Variants in C4orf50 observed in about 807,000 individuals in gnomAD.
C4orf50 encodes chromosome 4 open reading frame 50.
A neutral mutation model predicts 77.2 loss-of-function variants in C4orf50; 80 were observed. That is an observed-to-expected ratio of 1.04 (90% CI 0.87 to 1.25). C4orf50 has a LOEUF of 1.25. C4orf50 is among the 50% of genes most tolerant of loss of function. The pLI is 0.00. For missense variants in C4orf50, 1,257 were observed against 1,152.9 expected (o/e 1.09, Z -1.31); for synonymous variants, 532 against 465.3 (o/e 1.14, Z -1.84).
intron 7 of C4orf50, among the ~76,000 whole-genome samples, chr4:5,943,802 A>T (rs1718368994): frequency 6.6e-6 from 1 of 152,214 alleles, no homozygotes; most frequent in Non-Finnish European, 1.5e-5. Context: ...TCAATTAGCA[A>T]GCACTGCCCT....
rs1716299199 is a variant in C4orf50, at chr4:5,900,518, T to C, written c.*2475-2330A>G. On this transcript the variant is annotated intron_variant, in intron 7 of 7. Transcript: ENST00000324058. This position sits in a 1 kb window ranked among gnomAD's most constrained non-coding sequence, Gnocchi z 4.3. Reference sequence around the variant, plus strand: ...ATGCAGGCATGAATTCCACACAAAATGAAAGAATTCCTTAAACTAACATCT... The same window carrying C: ...ATGCAGGCATGAATTCCACACAAAACGAAAGAATTCCTTAAACTAACATCT... The C allele has an allele frequency of 6.6e-6, 1 of 152,188 alleles. No homozygotes were observed. Among genetic ancestry groups the C allele is most frequent in the Non-Finnish European group, 1.5e-5 (1 of 68,034 alleles). 9.4% of individuals were successfully genotyped at this position (152,188 alleles called of 1,614,324 possible).
rs762737203 is a variant in C4orf50 at position 5,932,539 on chromosome 4, G to A, written c.*2474+24362C>T. 6.6e-6 allele frequency among the ~76,000 whole-genome samples: 1 copy of A among 152,190 alleles called. No individual in the cohort carries two copies. Among genetic ancestry groups the A allele is most frequent in the Non-Finnish European group, 1.5e-5 (1 of 68,034 alleles). ...CAGCCTCGACCTCCCAGGCTCAATTGATCCTCCCGCCTCAGCCTCCTGAGT... is the reference window on the plus strand; with the variant it reads ...CAGCCTCGACCTCCCAGGCTCAATTAATCCTCCCGCCTCAGCCTCCTGAGT... On this transcript the variant is annotated intron_variant, in intron 7 of 7. Coordinates refer to the C4orf50 transcript ENST00000324058. The surrounding 1 kb of genome is among the most constrained non-coding windows in gnomAD (Gnocchi z 4.2).
At chr4:6,012,981 A>T (rs2108813599) in intron 23 of C4orf50, among the ~76,000 whole-genome samples, 1 of 152,330 alleles carries the variant, frequency 6.6e-6, no homozygotes, top group African/African-American at 2.4e-5. Flanking sequence ...TCCAGGACAG[A>T]TACTGATGCC....
At chr4:5,935,509 TG>T (rs1282945427) in intron 7 of C4orf50, among the ~76,000 whole-genome samples, 2 of 152,260 alleles carry the variant, frequency 1.3e-5, no homozygotes, top group Admixed American at 1.3e-4. Context: ...TCCCCAGGGC[TG>T]GGTGTGGTGG....
intron 25 of C4orf50, among the ~76,000 whole-genome samples, chr4:6,004,228 G>T (rs1722080338): frequency 2.3e-5 from 1 of 42,650 alleles, no homozygotes; most frequent in African/African-American, 9.0e-5. Context: ...GTGATGATGT[G>T]ATGGTGATGA....
At chr4:5,973,893 T>C in intron 30 of C4orf50, 52 bp from the exon 9 acceptor site, 1 of 1,439,684 alleles carries the variant, frequency 6.9e-7, no homozygotes, top group Non-Finnish European at 9.4e-7. Context: ...GCTGCATGGC[T>C]GAGCTGGAGG....
exon 28 of C4orf50, chr4:5,990,609 T>C (rs1577974276): frequency 7.5e-6 from 3 of 398,980 alleles, no homozygotes; most frequent in South Asian, 1.3e-4. Flanking sequence ...GGAGCAGCAG[T>C]GGTCGCCAAG....
intron 25 of C4orf50, among the ~76,000 whole-genome samples, chr4:6,003,600 G>GTGATGGTGA (rs72317209): frequency 1.4e-5 from 2 of 142,982 alleles, no homozygotes; most frequent in Non-Finnish European, 3.0e-5. Context: ...GTTGATGGTG[G>GTGATGGTGA]TGATGGTGAT....
chr4:5,988,146 C>T (rs1167071410), intron 28 of C4orf50, among the ~76,000 whole-genome samples: 2 of 152,202 alleles, frequency 1.3e-5, no homozygotes, highest in African/African-American at 4.8e-5. Flanking sequence ...AGGTGTGAGT[C>T]CCTGCTCCAT....
chr4:5,998,723 G>T (rs561047142), intron 25 of C4orf50, among the ~76,000 whole-genome samples: 15 of 152,350 alleles, frequency 9.8e-5, no homozygotes, highest in Non-Finnish European at 8.8e-5. Context: ...TCACTGTAGT[G>T]TCATGGTTTG....
At chr4:5,978,320 T>C (rs992852049) in intron 29 of C4orf50, among the ~76,000 whole-genome samples, 1 of 151,978 alleles carries the variant, frequency 6.6e-6, no homozygotes, top group Admixed American at 6.5e-5. Flanking sequence ...AACTGAGAAC[T>C]ATAAAAAAAA....
intron 33 of C4orf50, among the ~76,000 whole-genome samples, chr4:5,964,275 GC>G (rs1386764609): frequency 1.3e-5 from 2 of 152,142 alleles, no homozygotes; most frequent in Non-Finnish European, 2.9e-5. Flanking sequence ...TACTCAACAG[GC>G]TTTTATGCCC....
intron 25 of C4orf50, among the ~76,000 whole-genome samples, chr4:6,003,860 G>GTGATGATGATGGTGA (rs1349200873): frequency 1.7e-5 from 1 of 57,506 alleles, no homozygotes; most frequent in Non-Finnish European, 3.6e-5. Context: ...GGTGATGATG[G>GTGATGATGATGGTGA]TGATGGTGAT....
chr4:5,936,240 A>G (rs1718007342), intron 7 of C4orf50, among the ~76,000 whole-genome samples: 1 of 151,770 alleles, frequency 6.6e-6, no homozygotes. Context: ...GGATTTATCT[A>G]ATGAAATTAC....
intron 28 of C4orf50, among the ~76,000 whole-genome samples, chr4:5,982,886 G>A (rs1470740881): frequency 6.6e-6 from 1 of 152,102 alleles, no homozygotes; most frequent in Admixed American, 6.5e-5. Flanking sequence ...TGAAGAATGA[G>A]GGCAGAGGTG....
rs533876611 is a variant in C4orf50 at position 5,981,650 on chromosome 4, C to T, written c.3700-1312G>A. ...AACTCCAGACCTCAGGTGATCCACC[C>T]GCCTCAGCCTCCCAAAGTGCTGAGG... On this transcript the variant is annotated intron_variant, in intron 28 of 33. Transcript: ENST00000531445. 1.4e-4 allele frequency among the ~76,000 whole-genome samples: 22 copies of T among 152,158 alleles called. No homozygotes were observed. The South Asian group carries it at 1.5e-3, about 10-fold the overall frequency.
In C4orf50 at chr4:5,967,394, T is replaced by C. The variant is rs1719638996; in HGVS notation, c.4153+20A>G. ...TTTTTCTGAGCACACAGGCTTTTCC[T>C]GATCAAAAATCACACTGACCTCTTA... On this transcript the variant is annotated intron_variant, in intron 32 of 33. Transcript: ENST00000531445. The C allele has an allele frequency of 6.2e-7, 1 of 1,608,974 alleles. No individual in the cohort carries two copies. Among genetic ancestry groups the C allele is most frequent in the Non-Finnish European group, 8.5e-7 (1 of 1,175,370 alleles).
chr4:5,994,536 A>G (rs747888254), intron 25 of C4orf50, 60 bp from the exon 4 acceptor site: 48 of 398,902 alleles, frequency 1.2e-4, no homozygotes, highest in Non-Finnish European at 1.8e-4. Context: ...GTGTACTCCA[A>G]GCCCATCCCC....
intron 31 of C4orf50, 28 bp downstream of exon 9, chr4:5,973,631 A>G: frequency 6.3e-7 from 1 of 1,584,340 alleles, no homozygotes; most frequent in Admixed American, 1.7e-5. Flanking sequence ...CATAGGAAGC[A>G]CAGACAGGGC....
Sources: allele counts gnomAD v4.1 joint callset (sites outside exome capture counted in the v4.1 genomes callset), GRCh38; gene constraint gnomAD v4.1.1; non-coding constraint Gnocchi (gnomAD v3.1); transcripts MANE v1.5; gene names NCBI Gene and HGNC (gene_info 2026-07-23, HGNC 2026-07-21).